Variants in TBCE observed in about 807,000 individuals in gnomAD.
TBCE encodes tubulin-specific chaperone E.
In TBCE, 53 loss-of-function variants were observed where a neutral mutation model predicts 77.0. That is an observed-to-expected ratio of 0.69 (90% CI 0.55 to 0.87). The LOEUF is 0.87. Among genes scored for constraint, TBCE ranks in the 40% least tolerant of loss-of-function variants. The pLI is 0.00. For missense variants in TBCE, 624 were observed against 622.4 expected (o/e 1.00, Z -0.03); for synonymous variants, 235 against 241.3 (o/e 0.97, Z 0.24).
chr1:235,404,943 A>AGCC (rs1234910048), intron 3 of TBCE, among the ~76,000 whole-genome samples: 1 of 147,484 alleles, frequency 6.8e-6, no homozygotes, highest in Non-Finnish European at 1.5e-5. Flanking sequence ...TATAGGCGTG[A>AGCC]GCCACCATGC....
chr1:235,449,415 A>G lies in TBCE; in HGVS notation c.*653A>G, dbSNP rs564865337. The G allele has an allele frequency of 2.6e-5, 4 of 153,336 alleles. No homozygotes were observed. The East Asian group carries it at 5.8e-4, about 22-fold the overall frequency. The allele number at this position is 153,336 out of a possible 1,614,324, so 9.5% of individuals were successfully genotyped here. A position where few individuals can be genotyped will look rare whatever the true frequency, so the allele number is the denominator to read the frequency against. Reference sequence around the variant, plus strand: ...CAAAACTAATTCTTTCAAAATGTCAACAAAATTTAGAAATATCCTTCCCGA... The same window carrying G: ...CAAAACTAATTCTTTCAAAATGTCAGCAAAATTTAGAAATATCCTTCCCGA... On this transcript the variant is annotated 3_prime_UTR_variant, in exon 17 of 17. Coordinates refer to ENST00000642610, the MANE Select transcript of TBCE (RefSeq NM_003193.5).
intron 13 of TBCE, 25 bp downstream of exon 13, chr1:235,438,947 T>C: frequency 6.2e-7 from 1 of 1,614,120 alleles, no homozygotes; most frequent in Non-Finnish European, 8.5e-7. Context: ...ACTGGTGGCC[T>C]TCAGGTGGTG....
At chr1:235,383,512 TCCTTGAAGAGGTCCTTCATGTCC>T (rs1677812315) in intron 2 of TBCE, among the ~76,000 whole-genome samples, 1 of 152,182 alleles carries the variant, frequency 6.6e-6, no homozygotes, top group Non-Finnish European at 1.5e-5. Context: ...TTTGTAGTTC[TCCTTGAAGAGGTCCTTCATGTCC>T]CTTGTAAGTT....
At chr1:235,417,405 A>G (rs1428900423) in intron 4 of TBCE, among the ~76,000 whole-genome samples, 2 of 152,242 alleles carry the variant, frequency 1.3e-5, no homozygotes, top group African/African-American at 4.8e-5. Context: ...AATTGCCGCG[A>G]TAAAACACAA....
At chr1:235,408,998 A>C (rs188049381) in intron 3 of TBCE, among the ~76,000 whole-genome samples, 1 of 138,108 alleles carries the variant, frequency 7.2e-6, no homozygotes, top group African/African-American at 2.9e-5. Flanking sequence ...GATTTCAGAT[A>C]AACAGCCAAT....
rs1390228975 is a variant in TBCE, at chr1:235,434,240, G to A, written c.697G>A (p.Glu233Lys). The change falls in exon 8 of 17, where the codon GAA becomes AAA. Residue 233 changes from glutamate (E) to lysine (K), a missense_variant. Transcript: ENST00000642610. Reference sequence around the variant, plus strand: ...TGTCGCGGGGTGCCCAGGCCTGGAGGAACTCTACCTTGAGTCTAACAACAT... The same window carrying A: ...TGTCGCGGGGTGCCCAGGCCTGGAGAAACTCTACCTTGAGTCTAACAACAT... ...RCVAGCPGLEELYLESNNIFI... is the reference protein window; with the variant it reads ...RCVAGCPGLEKLYLESNNIFI... 6.2e-7 allele frequency: 1 copy of A among 1,614,152 alleles called. No homozygotes were observed. The highest frequency in any genetic ancestry group is 2.2e-5 in the East Asian group (1 of 44,884).
At chr1:235,375,881 G>GAA (rs879267409) in intron 1 of TBCE, among the ~76,000 whole-genome samples, 9 of 148,618 alleles carry the variant, frequency 6.1e-5, no homozygotes, top group African/African-American at 2.2e-4. Flanking sequence ...CATCTCTATT[G>GAA]AAAAAAAAAA....
In TBCE at chr1:235,414,617, A is replaced by C; in HGVS notation, c.370A>C (p.Ser124Arg). 3 of 1,613,470 alleles carry C rather than the reference A, an allele frequency of 1.9e-6. No individual in the cohort carries two copies. The highest frequency in any genetic ancestry group is 2.5e-6 in the Non-Finnish European group (3 of 1,179,850). The change falls in exon 4 of 17, where the codon AGT becomes CGT. Residue 124 changes from serine to arginine, a missense_variant and splice_region_variant. By Grantham distance (110) the Ser-to-Arg change is moderately radical. Coordinates refer to ENST00000642610, the MANE Select transcript of TBCE (RefSeq NM_003193.5). ...TTTTGACTCTATTATGAAACAGCAA[A>C]GGTAAGTGGAGTTTATAACGGCAGA... ...IGFDSIMKQQ[S>R]QLSKLQEVSL...
chr1:235,388,829 G>T lies in TBCE; in HGVS notation c.100+8680G>T, dbSNP rs1457193235. Among the ~76,000 whole-genome samples, 15 of 152,202 alleles carry T rather than the reference G, an allele frequency of 9.9e-5. No individual in the cohort carries two copies. The East Asian group carries it at 2.9e-3, about 29-fold the overall frequency. Reference sequence around the variant, plus strand: ...AGAGAGTAAGCAAGGTTGGGCAGAGGGCTAAGCTGGGCTATGGTACAGCCT... The same window carrying T: ...AGAGAGTAAGCAAGGTTGGGCAGAGTGCTAAGCTGGGCTATGGTACAGCCT... On this transcript the variant is annotated intron_variant, in intron 2 of 16. Coordinates refer to ENST00000642610, the MANE Select transcript of TBCE (RefSeq NM_003193.5).
intron 2 of TBCE, among the ~76,000 whole-genome samples, chr1:235,397,285 T>C (rs1468068672): frequency 2.0e-5 from 3 of 148,710 alleles, no homozygotes; most frequent in South Asian, 4.2e-4. Context: ...CACTGCAAGC[T>C]CCGCCTCCTG....
intron 3 of TBCE, among the ~76,000 whole-genome samples, chr1:235,409,667 G>C (rs1365386001): frequency 4.0e-5 from 6 of 150,988 alleles, no homozygotes; most frequent in Non-Finnish European, 8.8e-5. Context: ...CAGTAATAAA[G>C]ATCTGTTCAT....
chr1:235,387,321 C>T (rs1250497277), intron 2 of TBCE, among the ~76,000 whole-genome samples: 1 of 152,204 alleles, frequency 6.6e-6, no homozygotes, highest in Non-Finnish European at 1.5e-5. Context: ...CCACTGCTCT[C>T]TTCAAAGCTG....
intron 3 of TBCE, among the ~76,000 whole-genome samples, chr1:235,412,389 C>T (rs781027999): frequency 1.5e-4 from 23 of 148,420 alleles, no homozygotes; most frequent in Middle Eastern, 3.4e-3. Context: ...GCAACCATGC[C>T]TGGCTAATTT....
chr1:235,368,878 T>G (rs1053758677), intron 1 of TBCE, among the ~76,000 whole-genome samples: 1 of 152,136 alleles, frequency 6.6e-6, no homozygotes, highest in Non-Finnish European at 1.5e-5. Context: ...GTCTGCCTTT[T>G]GACTAGCAGG....
chr1:235,369,842 A>G (rs1676799563), intron 1 of TBCE, among the ~76,000 whole-genome samples: 1 of 152,102 alleles, frequency 6.6e-6, no homozygotes, highest in African/African-American at 2.4e-5. Context: ...CAAAAAAAAA[A>G]AAAAAGCCGA....
intron 5 of TBCE, among the ~76,000 whole-genome samples, chr1:235,420,833 C>T (rs775049327): frequency 2.0e-5 from 3 of 152,056 alleles, no homozygotes; most frequent in African/African-American, 7.2e-5. Flanking sequence ...GCCACATTGG[C>T]GAGGCTGGTC....
At chr1:235,440,040 C>G (rs1004347630) in intron 13 of TBCE, among the ~76,000 whole-genome samples, 22 of 151,648 alleles carry the variant, frequency 1.5e-4, no homozygotes, top group South Asian at 1.0e-3. Context: ...CCGCGATCTC[C>G]GCTCACTGCA....
rs1256314216 is a variant in TBCE at position 235,404,392 on chromosome 1, A to G, written c.185+2805A>G. ...GTTTAAGCCCAGGAGTTTCAAGACCAGCCTAGGCAACACAATGAGATCTCA... is the reference window on the plus strand; with the variant it reads ...GTTTAAGCCCAGGAGTTTCAAGACCGGCCTAGGCAACACAATGAGATCTCA... On this transcript the variant is annotated intron_variant, in intron 3 of 16. Transcript: ENST00000642610. Among the ~76,000 whole-genome samples the G allele has an allele frequency of 1.6e-4, 25 of 152,034 alleles. 1 individual carries two copies. The highest frequency in any genetic ancestry group is 8.5e-4 in the Admixed American group (13 of 15,238).
intron 3 of TBCE, among the ~76,000 whole-genome samples, chr1:235,410,565 A>G (rs899084012): frequency 7.2e-5 from 11 of 152,270 alleles, no homozygotes; most frequent in Middle Eastern, 6.8e-3. Context: ...AATGACCTGT[A>G]TCTTGTACCG....
Sources: allele counts gnomAD v4.1 joint callset (sites outside exome capture counted in the v4.1 genomes callset), GRCh38; gene constraint gnomAD v4.1.1; transcripts MANE v1.5; gene names NCBI Gene and HGNC (gene_info 2026-07-23, HGNC 2026-07-21).